The following OXR1 variants were observed in gnomAD, a reference collection of about 807,000 sequenced individuals.
The protein encoded by OXR1 is oxidation resistance protein 1.
A neutral mutation model predicts 104.6 loss-of-function variants in OXR1; 41 were observed. The observed-to-expected ratio is 0.39, with a 90% confidence interval of 0.31 to 0.51. The LOEUF (loss-of-function observed/expected upper bound fraction) is 0.51. OXR1 is among the 20% of genes least tolerant of loss of function. The pLI is 0.77. For synonymous variants in OXR1, 348 were observed against 348.4 expected (o/e 1.00, Z 0.01); for missense variants, 955 against 1,031.9 (o/e 0.93, Z 1.02).
chr8:106,383,032 G>A (rs1817222707), intron 2 of OXR1, among the ~76,000 whole-genome samples: 1 of 151,770 alleles, frequency 6.6e-6, no homozygotes, highest in South Asian at 2.1e-4. Flanking sequence ...AAGGTAGGAA[G>A]GAAGTGGGGA....
chr8:106,382,969 T>C (rs1207136594), intron 2 of OXR1, among the ~76,000 whole-genome samples: 6 of 151,392 alleles, frequency 4.0e-5, no homozygotes, highest in African/African-American at 1.2e-4. Context: ...CTATAGTAAC[T>C]TTGGGTGGAA....
At chr8:106,697,282 G>A in intron 7 of OXR1, 1 of 703,882 alleles carries the variant, frequency 1.4e-6, no homozygotes, top group East Asian at 2.5e-5. Context: ...CACCTCAGAG[G>A]TGATAGGACA....
intron 16 of OXR1, among the ~76,000 whole-genome samples, chr8:106,746,216 C>T (rs1236805674): frequency 1.3e-5 from 2 of 152,164 alleles, no homozygotes; most frequent in Non-Finnish European, 2.9e-5. Flanking sequence ...TTATTTCTCC[C>T]AATGCATAGA....
intron 3 of OXR1, among the ~76,000 whole-genome samples, chr8:106,606,271 C>A (rs1441740000): frequency 1.4e-5 from 2 of 146,162 alleles, no homozygotes; most frequent in African/African-American, 5.0e-5. Context: ...TTCCTTAGAG[C>A]ATATCACTAT....
Position 106,519,031 on chromosome 8 carries a change from A to G in OXR1, c.112A>G (p.Lys38Glu), listed in dbSNP as rs1301944962. Residue 38 changes from lysine to glutamate, a missense_variant, in exon 3 of 17, where the codon AAG becomes GAG. Physicochemically the swap from Lys to Glu is moderately conservative, Grantham distance 56. This residue lies in a region of OXR1 where 849 missense variants were observed against 852.9 expected (regional missense o/e 1.00). Transcript: ENST00000517566. ...AGGAAAGCAAACACCACAAGCCAGTAAGCCCCCGGCACCCAAGACCCCCAT... is the reference window on the plus strand; with the variant it reads ...AGGAAAGCAAACACCACAAGCCAGTGAGCCCCCGGCACCCAAGACCCCCAT... Reference protein sequence around the residue: ...GAGKQTPQASKPPAPKTPIIE... With the variant: ...GAGKQTPQASEPPAPKTPIIE... 2 of 1,551,766 alleles carry G rather than the reference A, an allele frequency of 1.3e-6. No individual in the cohort carries two copies. The highest frequency in any genetic ancestry group is 1.7e-6 in the Non-Finnish European group (2 of 1,146,926).
chr8:106,303,137 A>C (rs969455713), intron 1 of OXR1, among the ~76,000 whole-genome samples: 2 of 151,620 alleles, frequency 1.3e-5, no homozygotes, highest in South Asian at 4.2e-4. Flanking sequence ...TTTTCTATAT[A>C]GATTGGCTGA....
At chr8:106,584,500 C>T (rs1818483116) in intron 3 of OXR1, among the ~76,000 whole-genome samples, 2 of 152,028 alleles carry the variant, frequency 1.3e-5, no homozygotes, top group South Asian at 4.2e-4. Flanking sequence ...ATTCTTAAAT[C>T]ATGAGGGAGA....
At chr8:106,579,736 C>A (rs992850437) in intron 3 of OXR1, among the ~76,000 whole-genome samples, 1 of 151,904 alleles carries the variant, frequency 6.6e-6, no homozygotes, top group Non-Finnish European at 1.5e-5. Context: ...TGTTTCTGGT[C>A]CCACTTTTTT....
intron 3 of OXR1, among the ~76,000 whole-genome samples, chr8:106,632,234 G>T (rs114473488): frequency 1.3e-5 from 2 of 152,100 alleles, no homozygotes; most frequent in Non-Finnish European, 2.9e-5. Context: ...ACCTTCAAGT[G>T]GTGTCTTCAA....
At chr8:106,702,471 T>C (rs1017151803) in intron 7 of OXR1, among the ~76,000 whole-genome samples, 9 of 152,176 alleles carry the variant, frequency 5.9e-5, no homozygotes, top group African/African-American at 1.9e-4. Flanking sequence ...TTTAAAGATA[T>C]TATACTCTTT....
chr8:106,644,752 G>A (rs972256674), intron 3 of OXR1, among the ~76,000 whole-genome samples: 3 of 152,044 alleles, frequency 2.0e-5, no homozygotes, highest in East Asian at 3.9e-4. Context: ...GACCTTTTTC[G>A]GAAGTCATTG....
intron 2 of OXR1, among the ~76,000 whole-genome samples, chr8:106,417,148 A>G (rs980517949): frequency 6.6e-6 from 1 of 152,158 alleles, no homozygotes; most frequent in Non-Finnish European, 1.5e-5. Context: ...CTTCTGCCTT[A>G]TATCAGCTGT....
intron 3 of OXR1, among the ~76,000 whole-genome samples, chr8:106,527,892 T>C (rs530125059): frequency 1.3e-5 from 2 of 152,296 alleles, no homozygotes; most frequent in East Asian, 1.9e-4. Context: ...ATCCTCTACA[T>C]TGATTTTCAG....
chr8:106,350,144 C>T (rs1438847335), intron 1 of OXR1, among the ~76,000 whole-genome samples: 1 of 152,086 alleles, frequency 6.6e-6, no homozygotes, highest in Non-Finnish European at 1.5e-5. Context: ...ACATGAAAGA[C>T]GGAGGCACCA....
At chr8:106,621,651 T>C (rs2130847672) in intron 3 of OXR1, among the ~76,000 whole-genome samples, 1 of 152,290 alleles carries the variant, frequency 6.6e-6, no homozygotes, top group Admixed American at 6.5e-5. Context: ...TAAAAGTTAA[T>C]ATATTTAGTA....
chr8:106,395,848 C>T (rs571019602), intron 2 of OXR1, among the ~76,000 whole-genome samples: 1 of 152,012 alleles, frequency 6.6e-6, no homozygotes, highest in Admixed American at 6.6e-5. Flanking sequence ...AATTCTAGGG[C>T]TGGGCAGGGA....
At chr8:106,479,989 A>C (rs996370000) in intron 2 of OXR1, among the ~76,000 whole-genome samples, 1 of 152,008 alleles carries the variant, frequency 6.6e-6, no homozygotes, top group Non-Finnish European at 1.5e-5. Context: ...CGGGAGCTGT[A>C]GGAGTTGTGA....
At chr8:106,404,581 C>T (rs1478321529) in intron 2 of OXR1, among the ~76,000 whole-genome samples, 1 of 152,062 alleles carries the variant, frequency 6.6e-6, no homozygotes, top group Non-Finnish European at 1.5e-5. Context: ...GAATTGGAAC[C>T]TCTTAGCTCA....
chr8:106,672,097 TG>T (rs1274574354), intron 3 of OXR1, among the ~76,000 whole-genome samples: 1 of 151,232 alleles, frequency 6.6e-6, no homozygotes, highest in African/African-American at 2.4e-5. Flanking sequence ...TTCAGATATG[TG>T]GGGAAAAACC....
Sources: gnomAD v4.1 joint callset for allele counts (sites outside exome capture counted in the v4.1 genomes callset) on GRCh38, gnomAD v4.1.1 for gene constraint, gnomAD v4.1.1 regional missense constraint, MANE v1.5 for transcripts, NCBI Gene and HGNC (gene_info 2026-07-23, HGNC 2026-07-21) for gene names.